SLC52A1: variants seen among roughly 807,000 people sequenced by gnomAD.
SLC52A1 encodes solute carrier family 52, riboflavin transporter, member 1.
In SLC52A1, 20 loss-of-function variants were observed where a neutral mutation model predicts 23.2. That is an observed-to-expected ratio of 0.86 (90% CI 0.61 to 1.25). SLC52A1 has a LOEUF of 1.25. SLC52A1 is among the 50% of genes most tolerant of loss of function. The pLI is 0.00. For synonymous variants in SLC52A1, 260 were observed against 256.6 expected, an observed-to-expected ratio of 1.01 and a Z score of -0.13; for missense variants, 528 against 557.0, an observed-to-expected ratio of 0.95 and a Z score of 0.52.
rs779697485 is a variant in SLC52A1 at position 5,033,357 on chromosome 17, A to C, written c.1038T>G (p.Ser346=). 1.2e-6 allele frequency: 2 copies of C among 1,614,078 alleles called. No homozygotes were observed. Among genetic ancestry groups the C allele is most frequent in the South Asian group, 2.2e-5 (2 of 91,078 alleles). ...CRSLAGLVGL[S]LLGMLFGAYL... is the part of the protein sequence containing the mutation. ...AGGCCCCAAAGAGCATGCCCAGCAGAGAAAGACCAACCAGCCCTGCCAGGG... is the reference window on the plus strand; with the variant it reads ...AGGCCCCAAAGAGCATGCCCAGCAGCGAAAGACCAACCAGCCCTGCCAGGG... Residue 346 remains serine, a synonymous_variant, in exon 4 of 5, where the codon TCT becomes TCG. Coordinates refer to ENST00000254853, the MANE Select transcript of SLC52A1 (RefSeq NM_017986.4).
upstream of SLC52A1, among the ~76,000 whole-genome samples, chr17:5,038,216 G>A (rs987869055): frequency 4.0e-5 from 6 of 151,864 alleles, no homozygotes; most frequent in South Asian, 2.1e-4. Flanking sequence ...CACTGCGCCC[G>A]GCCTAAAATC....
intron 1 of SLC52A1, 64 bp from the exon 2 acceptor site, chr17:5,034,777 A>T: frequency 1.1e-6 from 1 of 906,800 alleles, no homozygotes; most frequent in Non-Finnish European, 1.6e-6. Flanking sequence ...GTCAGAAGAC[A>T]AGTCGGTCAG....
In SLC52A1 at chr17:5,034,723, AACAG is replaced by A; in HGVS notation, c.-107-14_-107-11del. On this transcript the variant is annotated splice_polypyrimidine_tract_variant and intron_variant, in intron 1 of 4. Coordinates refer to ENST00000254853, the MANE Select transcript of SLC52A1 (RefSeq NM_017986.4). Reference sequence around the variant, plus strand: ...ACTGAAGACCTTCTAGCTGGAGGGAAACAGACAGGCTGGCAGGTAATAGGCTGGT... The same window carrying A: ...ACTGAAGACCTTCTAGCTGGAGGGAAACAGGCTGGCAGGTAATAGGCTGGT... 1.4e-6 allele frequency: 2 copies of A among 1,396,226 alleles called. No individual in the cohort carries two copies. The highest frequency in any genetic ancestry group is 1.9e-6 in the Non-Finnish European group (2 of 1,039,976). 86.5% of individuals were successfully genotyped at this position (1,396,226 alleles called of 1,614,324 possible).
At chr17:5,037,529 C>CA (rs960132750), upstream of SLC52A1, among the ~76,000 whole-genome samples, 1 of 151,320 alleles carries the variant, frequency 6.6e-6, no homozygotes, top group African/African-American at 2.4e-5. Context: ...CCCCCCCAAA[C>CA]AAAAAAAAAT....
chr17:5,034,673 C>T lies in SLC52A1; in HGVS notation c.-67G>A, dbSNP rs963528171. 1.7e-5 allele frequency: 27 copies of T among 1,586,948 alleles called. No homozygotes were observed. Among genetic ancestry groups the T allele is most frequent in the Non-Finnish European group, 2.2e-5 (26 of 1,167,202 alleles). On this transcript the variant is annotated 5_prime_UTR_variant, in exon 2 of 5. Coordinates refer to ENST00000254853, the MANE Select transcript of SLC52A1 (RefSeq NM_017986.4). ...AGGCAGGTCCTTCCCTAGGTAGGTC[C>T]AAAGATGCTTTGGTTCTTCTGGAAA...
chr17:5,034,427 C>T (rs772101884), intron 2 of SLC52A1, 50 bp downstream of exon 2: 16 of 1,610,312 alleles, frequency 9.9e-6, no homozygotes, highest in Middle Eastern at 3.3e-4. Flanking sequence ...CACAGGCCAC[C>T]TTTCTGGGCA....
At position 5,033,941 on chromosome 17, in the gene SLC52A1, G is replaced by A. The variant is rs767915936; in HGVS notation, c.548C>T (p.Pro183Leu). The change falls in exon 3 of 5, where the codon CCT (proline) becomes CTT (leucine). Residue 183 changes from proline (P) to leucine (L), a missense_variant. Transcript: ENST00000254853. ...AAAACGCTCAGGGAAGTCGAGGGGA[G>A]GCCCAGAGGTGCCATTGGTGGGCGC... ...PPAPTNGTSG[P>L]PLDFPERFPA... The A allele has an allele frequency of 6.2e-7, 1 of 1,614,086 alleles. No individual in the cohort carries two copies. The highest frequency in any genetic ancestry group is 8.5e-7 in the Non-Finnish European group (1 of 1,180,046).
chr17:5,034,545 A>G lies in SLC52A1; in HGVS notation c.62T>C (p.Met21Thr), dbSNP rs2143436737. Residue 21 changes from methionine (M) to threonine (T), a missense_variant, in exon 2 of 5, where the codon ATG (methionine) becomes ACG (threonine). Transcript: ENST00000254853. ...LTHLLVALFG[M>T]GSWAAVNGIW... ...CCCGTTCACAGCAGCCCAGGAGCCC[A>G]TGCCAAAAAGGGCCACCAGCAGGTG... 1 of 1,614,182 alleles carries G rather than the reference A, an allele frequency of 6.2e-7. No homozygotes were observed. The highest frequency in any genetic ancestry group is 1.3e-5 in the African/African-American group (1 of 75,044).
upstream of SLC52A1, among the ~76,000 whole-genome samples, chr17:5,037,523 C>A (rs565026142): frequency 6.6e-6 from 1 of 151,944 alleles, no homozygotes; most frequent in African/African-American, 2.4e-5. Flanking sequence ...CATCCACCCC[C>A]CCAAACAAAA....
chr17:5,040,100 T>G (rs576422118), upstream of SLC52A1, among the ~76,000 whole-genome samples: 1 of 152,220 alleles, frequency 6.6e-6, no homozygotes, highest in Admixed American at 6.6e-5. Flanking sequence ...ATACTTGAAG[T>G]AGAAAGTGGA....
Sources: gnomAD v4.1 joint callset for allele counts (sites outside exome capture counted in the v4.1 genomes callset) on GRCh38, gnomAD v4.1.1 for gene constraint, MANE v1.5 for transcripts, NCBI Gene and HGNC (gene_info 2026-07-23, HGNC 2026-07-21) for gene names.